POLRMT: variants seen among roughly 807,000 people sequenced by gnomAD.
POLRMT encodes RNA polymerase mitochondrial, also known as DNA-directed RNA polymerase, mitochondrial.
Under a neutral mutation model 132.2 loss-of-function variants are expected in POLRMT, and 114 were observed. The observed-to-expected ratio is 0.86, with a 90% confidence interval of 0.74 to 1.01. The LOEUF is 1.01. Ranked by LOEUF, POLRMT falls within the 50% of genes least tolerant of loss-of-function variation. POLRMT has a pLI of 0.00. For synonymous variants in POLRMT, 1,020 were observed against 773.4 expected, an observed-to-expected ratio of 1.32 and a Z score of -5.29; for missense variants, 2,003 against 1,729.1, an observed-to-expected ratio of 1.16 and a Z score of -2.81.
At chr19:630,442 G>A (rs1034891052) in intron 2 of POLRMT, among the ~76,000 whole-genome samples, 6 of 151,716 alleles carry the variant, frequency 4.0e-5, no homozygotes, top group Non-Finnish European at 7.4e-5. Context: ...ACGTCTCCCC[G>A]GTCACTGGCC....
In POLRMT at chr19:617,847, T is replaced by C. The variant is rs1984123159; in HGVS notation, c.3425A>G (p.Lys1142Arg). The C allele has an allele frequency of 1.2e-6, 2 of 1,612,934 alleles. No individual in the cohort carries two copies. Among genetic ancestry groups the C allele is most frequent in the South Asian group, 2.2e-5 (2 of 91,086 alleles). Residue 1142 changes from lysine to arginine, a missense_variant and splice_region_variant, in exon 18 of 21, where the codon AAG (lysine) becomes AGG (arginine). Coordinates refer to ENST00000588649, the MANE Select transcript of POLRMT (RefSeq NM_005035.4). Reference protein sequence around the residue: ...MMLTALHCYRKGLTFVSVHDC... With the variant: ...MMLTALHCYRRGLTFVSVHDC... ...GTGCACAGAGACGAAGGTCAGGCCC[T>C]TCCTGTGGCAGAGCGGAGGACTCCT...
rs141011918 is a variant in POLRMT at position 619,872 on chromosome 19, G to A, written c.2886+86C>T. ...CAGCCCCACCACATCCTCAGGACAG[G>A]CCAAGGTGAGGGCACCTGGGGCCGA... On this transcript the variant is annotated intron_variant, in intron 12 of 20. Coordinates refer to ENST00000588649, the MANE Select transcript of POLRMT (RefSeq NM_005035.4). The A allele has an allele frequency of 1.1e-3, 1,737 of 1,583,448 alleles. 10 individuals carry two copies. In the African/African-American group the frequency reaches 0.021, roughly 19 times the overall value.
At chr19:632,707 G>T in intron 2 of POLRMT, 127 bp downstream of exon 2, 1 of 718,612 alleles carries the variant, frequency 1.4e-6, no homozygotes, top group Non-Finnish European at 2.2e-6. Context: ...ACGCCGTCTG[G>T]GCGTGTCCTG....
intron 2 of POLRMT, among the ~76,000 whole-genome samples, chr19:631,630 T>C (rs1409750010): frequency 1.3e-5 from 2 of 151,532 alleles, no homozygotes; most frequent in African/African-American, 4.8e-5. Context: ...AGATTGAGAA[T>C]CCGTCTCAAG....
At position 617,459 on chromosome 19, in the gene POLRMT, G is replaced by A. The variant is rs1334034145; in HGVS notation, c.3603C>T (p.Ala1201=). The part of the protein sequence containing the change: ...FCSEPQKILE[A]SQLKETLQAV... Reference sequence around the variant, plus strand: ...CCTGCAGTGTCTCCTTCAGCTGGCTGGCCTCCAAGATCTTCTGGGGCCTGG... The same window carrying A: ...CCTGCAGTGTCTCCTTCAGCTGGCTAGCCTCCAAGATCTTCTGGGGCCTGG... The change falls in exon 20 of 21, where the codon GCC becomes GCT. Residue 1201 remains alanine (A), a synonymous_variant. Coordinates refer to ENST00000588649, the MANE Select transcript of POLRMT (RefSeq NM_005035.4). 7.4e-6 allele frequency: 12 copies of A among 1,611,808 alleles called. No individual in the cohort carries two copies. Among genetic ancestry groups the A allele is most frequent in the African/African-American group, 1.3e-5 (1 of 74,878 alleles).
chr19:619,664 C>A lies in POLRMT; in HGVS notation c.2988G>T (p.Thr996=), dbSNP rs145738463. 21 of 1,610,326 alleles carry A rather than the reference C, an allele frequency of 1.3e-5. 1 individual carries two copies. The South Asian group carries it at 2.2e-4, about 17-fold the overall frequency. The change falls in exon 13 of 21, where the codon ACG becomes ACT. Residue 996 remains threonine (T), a synonymous_variant. Transcript: ENST00000588649. ...TRKVVKQTVM[T]VVYGVTRYGG... is the part of the protein sequence containing the mutation. The stretch of plus-strand genomic sequence containing the variant: ...CATAGCGCGTGACCCCGTACACCAC[C>A]GTCATCACCGTCTGCTTCACCACCT...
At chr19:627,147 C>T (rs1600586085) in intron 3 of POLRMT, among the ~76,000 whole-genome samples, 1 of 131,242 alleles carries the variant, frequency 7.6e-6, no homozygotes, top group Admixed American at 7.8e-5. Context: ...AGTTTTGGGG[C>T]ATTTTTTTTT....
At chr19:623,733 G>A (rs144789831) in intron 5 of POLRMT, 130 bp from the exon 6 acceptor site, 4 of 1,140,330 alleles carry the variant, frequency 3.5e-6, no homozygotes, top group Middle Eastern at 2.4e-4. Context: ...GCTGACGCGG[G>A]GAAAGGCGGG....
chr19:622,550 C>G, intron 8 of POLRMT, 32 bp downstream of exon 8: 1 of 1,568,322 alleles, frequency 6.4e-7, no homozygotes, highest in Non-Finnish European at 8.6e-7. Context: ...ACCACTGGCC[C>G]CAGCCAGGAG....
Position 620,916 on chromosome 19 carries a change from GA to G in POLRMT, c.2640+141del. On this transcript the variant is annotated intron_variant, in intron 10 of 20. Transcript: ENST00000588649. ...CAGGGGAGGGGGAGGGGAGGAGGAA[GA>G]CGGGCAGGGGGCGCCAGGGGAGGGG... The G allele has an allele frequency of 2.0e-4, 28 of 141,166 alleles. 8 individuals are homozygous for G. In the South Asian group the frequency reaches 2.2e-3, roughly 11 times the overall value. The allele number at this position is 141,166 out of a possible 1,614,324, so 8.7% of individuals were successfully genotyped here.
At position 633,441 on chromosome 19, in the gene POLRMT, T is replaced by G; in HGVS notation, c.72A>C (p.Gly24=). 6.4e-7 allele frequency: 1 copy of G among 1,552,096 alleles called. No homozygotes were observed. The highest frequency in any genetic ancestry group is 1.8e-5 in the Admixed American group (1 of 56,476). ...KRALRPCGRP[G]LPGKEGTAGG... Reference sequence around the variant, plus strand: ...TTGTGTTACCTTCTTTGCCGGGGAGTCCCGGGCGGCCGCAAGGCCGTAGGG... The same window carrying G: ...TTGTGTTACCTTCTTTGCCGGGGAGGCCCGGGCGGCCGCAAGGCCGTAGGG... Residue 24 remains glycine (G), a synonymous_variant, in exon 1 of 21, where the codon GGA becomes GGC. Transcript: ENST00000588649.
rs776635591 is a variant in POLRMT, at chr19:623,426, G to A, written c.1290+28C>T. On this transcript the variant is annotated intron_variant, in intron 6 of 20. Transcript: ENST00000588649. The stretch of plus-strand genomic sequence containing the variant: ...GCGACCCCGGCTCAGCCCCTGCGGC[G>A]GACACGGGACCCCGGCTCAGCCCCT... The A allele has an allele frequency of 2.1e-5, 33 of 1,606,656 alleles. No individual in the cohort carries two copies. The East Asian group carries it at 2.5e-4, about 12-fold the overall frequency.
intron 2 of POLRMT, among the ~76,000 whole-genome samples, chr19:631,765 TGGA>T (rs1213610325): frequency 2.6e-5 from 4 of 152,192 alleles, no homozygotes; most frequent in African/African-American, 9.7e-5. Context: ...GTTTTTGAGA[TGGA>T]ATTTCCCTCG....
Position 625,682 on chromosome 19 carries a change from A to C in POLRMT, c.823-428T>G, listed in dbSNP as rs1003527046. ...TTCTAGTTTCCTAAGGTGAAAGGTG[A>C]CGTATTTGGTCTGAGATGTTTCACT... On this transcript the variant is annotated intron_variant, in intron 3 of 20. Transcript: ENST00000588649. 3.3e-5 allele frequency among the ~76,000 whole-genome samples: 5 copies of C among 152,224 alleles called. No individual in the cohort carries two copies. In the South Asian group the frequency reaches 1.0e-3, roughly 32 times the overall value.
Position 621,108 on chromosome 19 carries a change from C to T in POLRMT, c.2590G>A (p.Ala864Thr), listed in dbSNP as rs762303919. 1.9e-6 allele frequency: 3 copies of T among 1,609,082 alleles called. No individual in the cohort carries two copies. Among genetic ancestry groups the T allele is most frequent in the Non-Finnish European group, 2.5e-6 (3 of 1,178,334 alleles). Residue 864 changes from alanine to threonine, a missense_variant, in exon 10 of 21, where the codon GCG (alanine) becomes ACG (threonine). Physicochemically the swap from Ala to Thr is moderately conservative, Grantham distance 58 (BLOSUM62 0). Transcript: ENST00000588649. The part of the protein sequence containing the change: ...REPLRKRLAF[A>T]EEVMDDILDS... ...AGGATGTCATCCATCACCTCCTCCG[C>T]AAAGGCCAGGCGCTTCCGCAGCGGC... is the stretch of plus-strand genomic sequence containing the variant.
chr19:631,760 T>G (rs1206048748), intron 2 of POLRMT, among the ~76,000 whole-genome samples: 2 of 152,166 alleles, frequency 1.3e-5, no homozygotes, highest in African/African-American at 4.8e-5. Context: ...GTTTTGTTTT[T>G]GAGATGGAAT....
At position 621,082 on chromosome 19, in the gene POLRMT, C is replaced by G. The variant is rs749494301; in HGVS notation, c.2616G>C (p.Leu872=). The G allele has an allele frequency of 1.1e-5, 18 of 1,608,812 alleles. No individual in the cohort carries two copies. In the East Asian group the frequency reaches 3.6e-4, roughly 32 times the overall value. The stretch of plus-strand genomic sequence containing the variant: ...CCGTCAAGGGTTGGTCCGCGGAGTC[C>G]AGGATGTCATCCATCACCTCCTCCG... The part of the protein sequence containing the change: ...AFAEEVMDDI[L]DSADQPLTGR... The change falls in exon 10 of 21, where the codon CTG becomes CTC. Residue 872 remains leucine (L), a synonymous_variant. Transcript: ENST00000588649.
At chr19:622,529 A>C in intron 8 of POLRMT, 53 bp downstream of exon 8, 1 of 1,527,798 alleles carries the variant, frequency 6.5e-7, no homozygotes, top group Non-Finnish European at 8.8e-7. Flanking sequence ...AGGGAGGGAG[A>C]GCGCCCACCC....
intron 2 of POLRMT, among the ~76,000 whole-genome samples, chr19:631,064 CAGG>C (rs1389575295): frequency 1.3e-5 from 2 of 151,862 alleles, no homozygotes; most frequent in African/African-American, 2.4e-5. Context: ...GAGGCTGAGG[CAGG>C]AGAATTGCTT....
Sources: allele counts gnomAD v4.1 joint callset (sites outside exome capture counted in the v4.1 genomes callset), GRCh38; gene constraint gnomAD v4.1.1; transcripts MANE v1.5; gene names NCBI Gene and HGNC (gene_info 2026-07-23, HGNC 2026-07-21).